The following TENM2 variants were observed in gnomAD, a reference collection of about 807,000 sequenced individuals.
The protein encoded by TENM2 is teneurin transmembrane protein 2, also known as teneurin-2.
Under a neutral mutation model 245.2 loss-of-function variants are expected in TENM2, and 52 were observed. That is an observed-to-expected ratio of 0.21 (90% CI 0.17 to 0.27). The LOEUF is 0.27. TENM2 is among the 10% of genes least tolerant of loss of function. The pLI is 1.00. For missense variants in TENM2, 3,046 were observed against 3,666.8 expected, an observed-to-expected ratio of 0.83 and a Z score of 4.37; for synonymous variants, 1,363 against 1,438.9, an observed-to-expected ratio of 0.95 and a Z score of 1.19.
chr5:167,849,665 G>T (rs1002599033), intron 2 of TENM2, among the ~76,000 whole-genome samples: 1 of 152,132 alleles, frequency 6.6e-6, no homozygotes, highest in Non-Finnish European at 1.5e-5. Flanking sequence ...AAATGACCTG[G>T]TATAAATCAG....
intron 2 of TENM2, among the ~76,000 whole-genome samples, chr5:167,527,493 C>T (rs1232360305): frequency 2.6e-5 from 4 of 151,956 alleles, no homozygotes; most frequent in South Asian, 2.1e-4. Context: ...TACACTGTTC[C>T]GTCTGCCTAG....
At chr5:167,660,229 G>C (rs373939209) in intron 2 of TENM2, 1 of 152,206 alleles carries the variant, frequency 6.6e-6, no homozygotes, top group African/African-American at 2.4e-5. Flanking sequence ...TTGGGAGGTC[G>C]AGGCTGGCAG....
At chr5:167,461,535 G>T (rs1016334680) in intron 2 of TENM2, among the ~76,000 whole-genome samples, 1 of 152,140 alleles carries the variant, frequency 6.6e-6, no homozygotes, top group Non-Finnish European at 1.5e-5. Flanking sequence ...CCTCCCGGCA[G>T]TCTTTCATAG....
chr5:168,224,370 G>A (rs985695149), intron 23 of TENM2, among the ~76,000 whole-genome samples: 1 of 152,078 alleles, frequency 6.6e-6, no homozygotes, highest in African/African-American at 2.4e-5. Flanking sequence ...ACACCTTTAG[G>A]CAGCGCGGTG....
intron 12 of TENM2, among the ~76,000 whole-genome samples, chr5:168,154,354 TTATAGGTGC>T (rs1756961777): frequency 1.3e-5 from 2 of 151,930 alleles, no homozygotes; most frequent in South Asian, 4.2e-4. Flanking sequence ...GTAGCTGGGA[TTATAGGTGC>T]CTGCCACCAT....
chr5:167,693,568 G>C (rs17510550), intron 2 of TENM2, among the ~76,000 whole-genome samples: 6,457 of 144,620 alleles, frequency 0.045, 180 homozygotes, highest in Non-Finnish European at 0.066. Context: ...CTGGGTAACT[G>C]TCATAATGCC....
intron 3 of TENM2, among the ~76,000 whole-genome samples, chr5:167,900,340 G>T (rs1353113310): frequency 1.3e-5 from 2 of 152,088 alleles, no homozygotes. Context: ...TTATGTGGGG[G>T]AGGAATTATT....
intron 1 of TENM2, among the ~76,000 whole-genome samples, chr5:167,374,668 T>C (rs1204378049): frequency 6.6e-6 from 1 of 152,124 alleles, no homozygotes; most frequent in Non-Finnish European, 1.5e-5. Context: ...CTGTATGACC[T>C]GAACCTTAAT....
At chr5:167,377,945 A>G (rs1024768581) in intron 2 of TENM2, among the ~76,000 whole-genome samples, 3 of 152,264 alleles carry the variant, frequency 2.0e-5, no homozygotes, top group Admixed American at 2.0e-4. Flanking sequence ...TTTCTTGAAG[A>G]GGAAGTAACA....
At chr5:167,325,310 C>T (rs1351739520) in intron 1 of TENM2, among the ~76,000 whole-genome samples, 1 of 152,076 alleles carries the variant, frequency 6.6e-6, no homozygotes, top group Non-Finnish European at 1.5e-5. Flanking sequence ...TTAAATGATA[C>T]TTGTAAATAA....
intron 3 of TENM2, among the ~76,000 whole-genome samples, chr5:167,929,045 AAAAGAAAGAAAGAGAGAAAGAAAG>A (rs1386124333): frequency 6.4e-4 from 85 of 131,886 alleles, no homozygotes; most frequent in African/African-American, 2.4e-3. Context: ...AAGAAAAGAA[AAAAGAAAGAAAGAGAGAAAGAAAG>A]AAAGAAAGAA....
intron 23 of TENM2, among the ~76,000 whole-genome samples, chr5:168,223,978 C>T (rs1181311830): frequency 6.6e-6 from 1 of 151,932 alleles, no homozygotes. Context: ...TTCCACTCAA[C>T]ACGTGTAGAT....
intron 25 of TENM2, among the ~76,000 whole-genome samples, chr5:168,242,504 ACTG>A (rs1484217925): frequency 6.6e-6 from 1 of 152,262 alleles, no homozygotes; most frequent in Non-Finnish European, 1.5e-5. Context: ...CAACCACTTC[ACTG>A]CTGTGTGACC....
At chr5:167,373,051 C>T (rs552806671) in intron 1 of TENM2, among the ~76,000 whole-genome samples, 2 of 152,322 alleles carry the variant, frequency 1.3e-5, no homozygotes, top group East Asian at 1.9e-4. Context: ...CTCTTCACTG[C>T]ACAGGTAGTG....
rs1167037609 is a variant in TENM2 at position 167,333,702 on chromosome 5, CA to C, written c.227-41495del. 1.8e-4 allele frequency among the ~76,000 whole-genome samples: 27 copies of C among 152,156 alleles called. No individual in the cohort carries two copies. In the South Asian group the frequency reaches 5.4e-3, roughly 30 times the overall value. ...GTTTGTTGTTCTTGTCCCTTTGCTC[CA>C]GGGGGAAGGATGGGGATCAATCAAC... On this transcript the variant is annotated intron_variant, in intron 1 of 28. Coordinates refer to ENST00000518659, the Ensembl canonical transcript of TENM2.
At chr5:167,239,921 C>A in the TENM2 span, among the ~76,000 whole-genome samples, 1 of 152,088 alleles carries the variant, frequency 6.6e-6, no homozygotes, top group Non-Finnish European at 1.5e-5. Flanking sequence ...GACAGGCACG[C>A]GCCACCATGC....
the TENM2 span, among the ~76,000 whole-genome samples, chr5:166,979,532 T>C: frequency 2.6e-5 from 4 of 152,084 alleles, no homozygotes; most frequent in African/African-American, 9.7e-5. Flanking sequence ...TGGTAAATGT[T>C]TTTCACTTCT....
At chr5:167,669,284 C>T (rs531964627) in intron 2 of TENM2, among the ~76,000 whole-genome samples, 2 of 152,028 alleles carry the variant, frequency 1.3e-5, no homozygotes, top group Admixed American at 6.5e-5. Context: ...AAAATTATAC[C>T]GTTTGTAGAT....
chr5:167,526,632 A>C (rs1460366357), intron 2 of TENM2, among the ~76,000 whole-genome samples: 1 of 151,956 alleles, frequency 6.6e-6, no homozygotes, highest in Non-Finnish European at 1.5e-5. Context: ...TTAAAAAGTT[A>C]TTTTATACAT....
Sources: allele counts gnomAD v4.1 joint callset (sites outside exome capture counted in the v4.1 genomes callset), GRCh38; gene constraint gnomAD v4.1.1; transcripts MANE v1.5; gene names NCBI Gene and HGNC (gene_info 2026-07-23, HGNC 2026-07-21).